The following EPB41L3 variants were observed in gnomAD, a reference collection of about 807,000 sequenced individuals.
The protein encoded by EPB41L3 is erythrocyte membrane protein band 4.1 like 3.
A neutral mutation model predicts 127.1 loss-of-function variants in EPB41L3; 57 were observed. The ratio of observed to expected loss-of-function variants is 0.45; its 90% CI spans 0.36 to 0.56. The LOEUF (loss-of-function observed/expected upper bound fraction) is 0.56, where lower values mean the gene tolerates loss of function less well. EPB41L3 is among the 20% of genes least tolerant of loss of function. The probability of loss-of-function intolerance (pLI) is 0.00; values close to 1 mark genes in which losing one functional copy is unlikely to be tolerated. For synonymous variants in EPB41L3, 572 were observed against 549.5 expected (o/e 1.04, Z -0.57); for missense variants, 1,273 against 1,372.2 (o/e 0.93, Z 1.14).
At chr18:5,442,391 G>A (rs562911159) in intron 5 of EPB41L3, among the ~76,000 whole-genome samples, 9 of 152,046 alleles carry the variant, frequency 5.9e-5, no homozygotes, top group African/African-American at 1.7e-4. Context: ...TGTCTTAATT[G>A]TATAAATAAT....
chr18:5,573,979 C>T (rs1235926437), intron 3 of EPB41L3, among the ~76,000 whole-genome samples: 16 of 150,392 alleles, frequency 1.1e-4, no homozygotes, highest in Admixed American at 9.9e-4. Flanking sequence ...GGCACGATCT[C>T]GGCTCACTGC....
chr18:5,585,955 T>A (rs561793830), intron 3 of EPB41L3, among the ~76,000 whole-genome samples: 5 of 152,328 alleles, frequency 3.3e-5, no homozygotes, highest in Non-Finnish European at 5.9e-5. Flanking sequence ...CGAAGTCAGC[T>A]CTTAGTGGGC....
chr18:5,412,261 A>G (rs1043643974), intron 13 of EPB41L3, among the ~76,000 whole-genome samples: 2 of 151,840 alleles, frequency 1.3e-5, no homozygotes, highest in African/African-American at 4.9e-5. Context: ...ACAGTAGCAC[A>G]ATCTTGGCTC....
chr18:5,580,407 T>G (rs181021794), intron 3 of EPB41L3, among the ~76,000 whole-genome samples: 10 of 152,056 alleles, frequency 6.6e-5, no homozygotes, highest in African/African-American at 2.4e-4. Context: ...TATAGACACA[T>G]ATATAGATAC....
At chr18:5,468,923 AAAACAAAAAACAAAC>A (rs780827030) in intron 3 of EPB41L3, among the ~76,000 whole-genome samples, 13 of 150,444 alleles carry the variant, frequency 8.6e-5, no homozygotes, top group South Asian at 2.1e-4. Flanking sequence ...CAAAAAACAA[AAAACAAAAAACAAAC>A]AAACAAACAA....
intron 2 of EPB41L3, among the ~76,000 whole-genome samples, chr18:5,484,110 A>AAAAAAAAAAAAC (rs2089228954): frequency 5.1e-5 from 7 of 136,148 alleles, no homozygotes; most frequent in African/African-American, 9.1e-5. Context: ...AAAAAAAAAA[A>AAAAAAAAAAAAC]AAAAAAAAAA....
intron 1 of EPB41L3, among the ~76,000 whole-genome samples, chr18:5,617,737 CA>C (rs201812634): frequency 5.9e-5 from 9 of 151,814 alleles, no homozygotes; most frequent in Non-Finnish European, 8.8e-5. Flanking sequence ...ATCAGAAGAA[CA>C]AAAAAATGTA....
At chr18:5,488,798 A>T in intron 2 of EPB41L3, 1 of 518,642 alleles carries the variant, frequency 1.9e-6, no homozygotes, top group Non-Finnish European at 3.2e-6. Flanking sequence ...TGTTTTAATT[A>T]AAAGAAGGAG....
chr18:5,442,319 A>G (rs554862734), intron 5 of EPB41L3, among the ~76,000 whole-genome samples: 93 of 152,244 alleles, frequency 6.1e-4, no homozygotes, highest in Middle Eastern at 3.4e-3. Context: ...CTATTAACCT[A>G]ATTTGTTATC....
chr18:5,437,160 G>A (rs1333363431), intron 6 of EPB41L3, among the ~76,000 whole-genome samples: 1 of 152,114 alleles, frequency 6.6e-6, no homozygotes, highest in Non-Finnish European at 1.5e-5. Context: ...CCATATGTTC[G>A]AATCCTACCC....
At chr18:5,402,133 C>T (rs1322621739) in intron 16 of EPB41L3, among the ~76,000 whole-genome samples, 1 of 151,000 alleles carries the variant, frequency 6.6e-6, no homozygotes, top group East Asian at 1.9e-4. Flanking sequence ...TCAAATGACT[C>T]TTTCTAATGA....
chr18:5,452,782 T>TTG (rs72378439), intron 3 of EPB41L3, among the ~76,000 whole-genome samples: 2,416 of 150,856 alleles, frequency 0.016, 35 homozygotes, highest in African/African-American at 0.042. Context: ...TAAAAATTTG[T>TTG]TGTGTGTGTG....
At chr18:5,557,530 G>A (rs2094057026) in intron 3 of EPB41L3, among the ~76,000 whole-genome samples, 4 of 152,154 alleles carry the variant, frequency 2.6e-5, no homozygotes, top group Middle Eastern at 6.8e-3. Flanking sequence ...AATTACAGGC[G>A]TGTGCCACTA....
chr18:5,524,215 A>G (rs936010203), intron 1 of EPB41L3, among the ~76,000 whole-genome samples: 25 of 150,672 alleles, frequency 1.7e-4, no homozygotes, highest in Non-Finnish European at 2.9e-5. Context: ...TTTTCCTGAG[A>G]TGGAGTTTCA....
chr18:5,469,658 A>C (rs2147494512), intron 3 of EPB41L3, among the ~76,000 whole-genome samples: 1 of 152,326 alleles, frequency 6.6e-6, no homozygotes, highest in East Asian at 1.9e-4. Context: ...CCCGCCCTAG[A>C]GGCTTCCGGC....
intron 1 of EPB41L3, among the ~76,000 whole-genome samples, chr18:5,542,858 G>T (rs1008788129): frequency 6.6e-6 from 1 of 152,224 alleles, no homozygotes; most frequent in African/African-American, 2.4e-5. Flanking sequence ...GCGGGCGTGG[G>T]GGGGAAGGGG....
intron 3 of EPB41L3, among the ~76,000 whole-genome samples, chr18:5,595,992 A>C (rs1274215921): frequency 6.6e-6 from 1 of 152,188 alleles, no homozygotes; most frequent in African/African-American, 2.4e-5. Flanking sequence ...TGTAATCCAA[A>C]AAGCAATTTA....
intron 16 of EPB41L3, among the ~76,000 whole-genome samples, chr18:5,405,562 G>A (rs2075238787): frequency 1.3e-5 from 2 of 151,990 alleles, no homozygotes; most frequent in Non-Finnish European, 2.9e-5. Context: ...AGGCTGAGGT[G>A]GTGAATCTTT....
chr18:5,469,427 G>T (rs1292256587), intron 3 of EPB41L3, among the ~76,000 whole-genome samples: 1 of 152,150 alleles, frequency 6.6e-6, no homozygotes, highest in Non-Finnish European at 1.5e-5. Context: ...GGAGCTGTCT[G>T]CCCCGCCATA....
Sources: gnomAD v4.1 joint callset for allele counts (sites outside exome capture counted in the v4.1 genomes callset) on GRCh38, gnomAD v4.1.1 for gene constraint, MANE v1.5 for transcripts, NCBI Gene and HGNC (gene_info 2026-07-23, HGNC 2026-07-21) for gene names.